Variants in SPATS2L observed in about 807,000 individuals in gnomAD.
SPATS2L encodes spermatogenesis associated serine rich 2 like.
A neutral mutation model predicts 59.6 loss-of-function variants in SPATS2L; 30 were observed. The ratio of observed to expected loss-of-function variants is 0.50; its 90% CI spans 0.38 to 0.68. SPATS2L has a LOEUF of 0.68. SPATS2L is among the 30% of genes least tolerant of loss of function. The probability of loss-of-function intolerance (pLI) is 0.00; values close to 1 mark genes in which losing one functional copy is unlikely to be tolerated. For missense variants in SPATS2L, 615 were observed against 700.0 expected (o/e 0.88, Z 1.37); for synonymous variants, 252 against 263.5 (o/e 0.96, Z 0.42).
intron 9 of SPATS2L, among the ~76,000 whole-genome samples, chr2:200,464,373 A>C (rs1386470309): frequency 6.6e-6 from 1 of 152,248 alleles, no homozygotes; most frequent in Non-Finnish European, 1.5e-5. Context: ...TTCCATGCAC[A>C]TTGGCATGAG....
In SPATS2L at chr2:200,322,926, C is replaced by G. The variant is rs144089042; in HGVS notation, c.-72-6505C>G. ...AAGCTATCTTTGGTTTTTGAGATCT[C>G]GAATTTTTATAGCCTTTGAGCTTGC... On this transcript the variant is annotated intron_variant, in intron 1 of 12. Coordinates refer to ENST00000409140, the MANE Select transcript of SPATS2L (RefSeq NM_001100423.2). Among the ~76,000 whole-genome samples, 257 of 152,222 alleles carry G rather than the reference C, an allele frequency of 1.7e-3. 1 individual carries two copies. Among genetic ancestry groups the G allele is most frequent in the Non-Finnish European group, 3.1e-3 (213 of 68,008 alleles).
intron 2 of SPATS2L, among the ~76,000 whole-genome samples, chr2:200,381,862 T>C (rs2081823951): frequency 6.6e-6 from 1 of 152,198 alleles, no homozygotes; most frequent in Non-Finnish European, 1.5e-5. Context: ...CAAAGTCAGG[T>C]ACACAGACAC....
intron 6 of SPATS2L, among the ~76,000 whole-genome samples, chr2:200,422,537 C>CA (rs34573978): frequency 0.37 from 48,549 of 132,834 alleles, 9,460 homozygotes; most frequent in East Asian, 0.55. Context: ...TAAGACTCCT[C>CA]AAAAAAAAAA....
chr2:200,451,979 G>A (rs1404366560), intron 8 of SPATS2L, among the ~76,000 whole-genome samples: 1 of 152,160 alleles, frequency 6.6e-6, no homozygotes, highest in Non-Finnish European at 1.5e-5. Context: ...CAGTTTTTTA[G>A]TAGAGATGGG....
At chr2:200,378,493 A>G in intron 2 of SPATS2L, 5 of 651,178 alleles carry the variant, frequency 7.7e-6, no homozygotes, top group Non-Finnish European at 9.8e-6. Context: ...ACTCCCCAGT[A>G]TTTCTTTCCC....
At chr2:200,376,270 G>A (rs1192073981) in intron 2 of SPATS2L, among the ~76,000 whole-genome samples, 2 of 152,096 alleles carry the variant, frequency 1.3e-5, no homozygotes, top group African/African-American at 4.8e-5. Context: ...TATTTCAGGT[G>A]ACAAATTTCT....
At chr2:200,424,819 G>T (rs1268974410) in intron 6 of SPATS2L, among the ~76,000 whole-genome samples, 1 of 152,094 alleles carries the variant, frequency 6.6e-6, no homozygotes, top group African/African-American at 2.4e-5. Flanking sequence ...TCCCTCTCTT[G>T]AGCTCCTGTT....
upstream of SPATS2L, chr2:200,306,250 G>A: frequency 2.0e-6 from 2 of 1,002,350 alleles, no homozygotes; most frequent in Non-Finnish European, 2.4e-6. Flanking sequence ...AAAACATCTC[G>A]TATTTGCAGA....
At chr2:200,398,354 T>C (rs1180353852) in intron 3 of SPATS2L, among the ~76,000 whole-genome samples, 4 of 152,234 alleles carry the variant, frequency 2.6e-5, no homozygotes, top group Non-Finnish European at 5.9e-5. Flanking sequence ...GATTTTTATG[T>C]TTATTGAAAA....
At chr2:200,309,147 C>T in intron 1 of SPATS2L, 2 of 717,292 alleles carry the variant, frequency 2.8e-6, no homozygotes, top group South Asian at 3.0e-5. Flanking sequence ...CACTTTGGGG[C>T]CTAATTTTTG....
At chr2:200,319,504 G>T (rs1341241867) in intron 1 of SPATS2L, among the ~76,000 whole-genome samples, 7 of 143,116 alleles carry the variant, frequency 4.9e-5, no homozygotes, top group Admixed American at 4.5e-4. Flanking sequence ...GGTGGAGGTT[G>T]CAGTGAGCCA....
chr2:200,384,604 G>A (rs34305260), intron 2 of SPATS2L, among the ~76,000 whole-genome samples: 38,701 of 152,020 alleles, frequency 0.25, 5,566 homozygotes, highest in South Asian at 0.35. Context: ...CACCCACCTC[G>A]GCCTCCCAAA....
At chr2:200,333,317 A>G (rs558295483) in intron 2 of SPATS2L, among the ~76,000 whole-genome samples, 1 of 147,394 alleles carries the variant, frequency 6.8e-6, no homozygotes, top group South Asian at 2.2e-4. Flanking sequence ...AAGAAAAGAC[A>G]CAAGATTACA....
chr2:200,364,477 G>A (rs1009318828), intron 2 of SPATS2L, among the ~76,000 whole-genome samples: 4 of 152,146 alleles, frequency 2.6e-5, no homozygotes, highest in Non-Finnish European at 4.4e-5. Context: ...TTAGGTTGCC[G>A]ATGGACTTCT....
chr2:200,452,267 T>C (rs533727570), intron 8 of SPATS2L, among the ~76,000 whole-genome samples: 1 of 152,366 alleles, frequency 6.6e-6, no homozygotes, highest in South Asian at 2.1e-4. Context: ...ATATGTACAA[T>C]TTCTAAACAG....
intron 6 of SPATS2L, among the ~76,000 whole-genome samples, chr2:200,427,230 A>G (rs1014035047): frequency 1.3e-5 from 2 of 152,134 alleles, no homozygotes; most frequent in Non-Finnish European, 2.9e-5. Context: ...AACTGTTTCT[A>G]TTAAAATGCA....
At chr2:200,350,912 T>G (rs1384037265) in intron 2 of SPATS2L, among the ~76,000 whole-genome samples, 1 of 152,118 alleles carries the variant, frequency 6.6e-6, no homozygotes, top group African/African-American at 2.4e-5. Context: ...TTTTTTTTTG[T>G]TTCCTTTGGA....
intron 2 of SPATS2L, among the ~76,000 whole-genome samples, chr2:200,365,113 C>G (rs1485277814): frequency 6.6e-6 from 1 of 152,144 alleles, no homozygotes. Flanking sequence ...CAGTCAGATT[C>G]CCAGGGAACA....
chr2:200,436,618 A>T (rs906541948), intron 6 of SPATS2L, among the ~76,000 whole-genome samples: 2 of 152,228 alleles, frequency 1.3e-5, no homozygotes, highest in Non-Finnish European at 2.9e-5. Flanking sequence ...TAATGAGCCT[A>T]TGCTCATTTG....
Sources: allele counts gnomAD v4.1 joint callset (sites outside exome capture counted in the v4.1 genomes callset), GRCh38; gene constraint gnomAD v4.1.1; transcripts MANE v1.5; gene names NCBI Gene and HGNC (gene_info 2026-07-23, HGNC 2026-07-21).